Variants in ADAM19 observed in about 807,000 individuals in gnomAD.
ADAM19 encodes disintegrin and metalloproteinase domain-containing protein 19.
A neutral mutation model predicts 114.7 loss-of-function variants in ADAM19; 65 were observed. The observed-to-expected ratio is 0.57, with a 90% CI of 0.46 to 0.70. The LOEUF is 0.70. ADAM19 is among the 30% of genes least tolerant of loss of function. The pLI, the probability that ADAM19 is intolerant of heterozygous loss-of-function variation, is 0.00. For missense variants in ADAM19, 1,063 were observed against 1,204.7 expected, an observed-to-expected ratio of 0.88 and a Z score of 1.74; for synonymous variants, 466 against 460.5, an observed-to-expected ratio of 1.01 and a Z score of -0.15.
At chr5:157,561,598 T>C (rs1442073627) in intron 3 of ADAM19, among the ~76,000 whole-genome samples, 1 of 152,074 alleles carries the variant, frequency 6.6e-6, no homozygotes, top group Non-Finnish European at 1.5e-5. Flanking sequence ...CTGTTCCCTC[T>C]CCTTGGAATT....
rs1449369421 is a variant in ADAM19, at chr5:157,481,793, T to C, written c.2701A>G (p.Lys901Glu). Residue 901 changes from lysine (K) to glutamate (E), a missense_variant and splice_region_variant, in exon 22 of 23, where the codon AAG becomes GAG. Physicochemically the swap from Lys to Glu is moderately conservative, Grantham distance 56. Around this residue, in one of 3 missense-constraint regions of ADAM19, gnomAD observed 424 missense variants for 445.5 expected, o/e 0.95. Transcript: ENST00000257527. ...TTGAGGGCTTCCCGTGGACTCACCT[T>C]TGGGGCAAGTGCTGCCAGAGGCCGG... is the stretch of plus-strand genomic sequence containing the variant. Reference protein sequence around the residue: ...QSRPLAALAPKFPEYRSQRAG... With the variant: ...QSRPLAALAPEFPEYRSQRAG... The C allele has an allele frequency of 6.4e-7, 1 of 1,571,452 alleles. No individual in the cohort carries two copies. Among genetic ancestry groups the C allele is most frequent in the Admixed American group, 1.9e-5 (1 of 53,326 alleles).
Position 157,489,166 on chromosome 5 carries a change from T to C in ADAM19, c.2261A>G (p.Gln754Arg). ...GTTGGCATGACCAGTCCCGCTGTTC[T>C]GAGAAACCCTGAAGGGACAACTAGA... ...QQFSCPFRVS[Q>R]NSGTGHANPT... The change falls in exon 20 of 23, where the codon CAG becomes CGG. Residue 754 changes from glutamine to arginine, a missense_variant. Coordinates refer to ENST00000257527, the MANE Select transcript of ADAM19 (RefSeq NM_033274.5). The C allele has an allele frequency of 6.2e-7, 1 of 1,613,956 alleles. No individual in the cohort carries two copies. Among genetic ancestry groups the C allele is most frequent in the Non-Finnish European group, 8.5e-7 (1 of 1,179,866 alleles).
chr5:157,480,766 G>A lies in ADAM19; in HGVS notation c.*183C>T. On this transcript the variant is annotated 3_prime_UTR_variant, in exon 23 of 23. Transcript: ENST00000257527. ...GAGGCCATCAGATCATAGTCCCTCT[G>A]GGCTTCCAAGGAAGCCGAGGAGGCA... The A allele has an allele frequency of 6.9e-7, 1 of 1,442,160 alleles. No individual in the cohort carries two copies. Among genetic ancestry groups the A allele is most frequent in the Non-Finnish European group, 9.1e-7 (1 of 1,104,232 alleles). The allele number at this position is 1,442,160 out of a possible 1,614,324, so 89.3% of individuals were successfully genotyped here.
chr5:157,502,742 C>G (rs1236734874), intron 12 of ADAM19, 61 bp downstream of exon 12: 2 of 1,571,404 alleles, frequency 1.3e-6, no homozygotes, highest in Non-Finnish European at 1.7e-6. Context: ...TCTCTTTGAC[C>G]TTGAGTTTTG....
chr5:157,527,189 AC>A (rs1756488154), intron 5 of ADAM19, among the ~76,000 whole-genome samples: 2 of 152,194 alleles, frequency 1.3e-5, no homozygotes, highest in South Asian at 2.1e-4. Flanking sequence ...GAGAGGGAGC[AC>A]AAGGGAAACT....
At chr5:157,549,604 C>G (rs890962893) in intron 3 of ADAM19, among the ~76,000 whole-genome samples, 1 of 152,222 alleles carries the variant, frequency 6.6e-6, no homozygotes, top group Non-Finnish European at 1.5e-5. Context: ...GTCACAAATT[C>G]CCGTTCCTCT....
rs11466762 is a variant in ADAM19, at chr5:157,519,218, C to A, written c.601-330G>T. On this transcript the variant is annotated intron_variant, in intron 6 of 22. Coordinates refer to ENST00000257527, the MANE Select transcript of ADAM19 (RefSeq NM_033274.5). ...ACCACGTTCCCACAGAACCTCGAAA[C>A]CTCGAAACACCATGCCATTTTCAGT... Among the ~76,000 whole-genome samples the A allele has an allele frequency of 4.0e-3, 605 of 152,310 alleles. 3 individuals carry two copies. Among genetic ancestry groups the A allele is most frequent in the African/African-American group, 0.014 (584 of 41,576 alleles).
chr5:157,502,733 C>G, intron 12 of ADAM19, 70 bp downstream of exon 12: 2 of 1,542,586 alleles, frequency 1.3e-6, no homozygotes, highest in Non-Finnish European at 1.8e-6. Context: ...CAATTGTGTT[C>G]TCTTTGACCT....
chr5:157,558,871 A>T (rs1862405), intron 3 of ADAM19, among the ~76,000 whole-genome samples: 11,570 of 152,276 alleles, frequency 0.076, 615 homozygotes, highest in Admixed American at 0.12. Context: ...TTCCACCAGT[A>T]TTATGCAATC....
At chr5:157,557,260 A>G (rs1033334964) in intron 3 of ADAM19, among the ~76,000 whole-genome samples, 1 of 152,222 alleles carries the variant, frequency 6.6e-6, no homozygotes, top group African/African-American at 2.4e-5. Flanking sequence ...AAGGCAAGTG[A>G]CTTACCAAAG....
intron 4 of ADAM19, among the ~76,000 whole-genome samples, chr5:157,537,101 T>C (rs1417529984): frequency 6.6e-6 from 1 of 152,238 alleles, no homozygotes; most frequent in Non-Finnish European, 1.5e-5. Flanking sequence ...TAGATGCCAG[T>C]AGATCCTCCC....
At chr5:157,487,207 CT>C (rs1754968933) in intron 21 of ADAM19, among the ~76,000 whole-genome samples, 1 of 152,090 alleles carries the variant, frequency 6.6e-6, no homozygotes, top group Non-Finnish European at 1.5e-5. Flanking sequence ...TGCTTTTTTC[CT>C]TTCCTCTTTC....
chr5:157,493,269 C>T, intron 15 of ADAM19, 92 bp from the exon 16 acceptor site: 1 of 1,426,638 alleles, frequency 7.0e-7, no homozygotes, highest in Admixed American at 1.8e-5. Context: ...TTGATCAAGA[C>T]AGCAGGCTTG....
intron 4 of ADAM19, 73 bp from the exon 5 acceptor site, chr5:157,530,956 T>C: frequency 7.6e-7 from 1 of 1,320,398 alleles, no homozygotes; most frequent in Non-Finnish European, 1.1e-6. Context: ...CTCAGGATGG[T>C]CATGGATGAC....
intron 11 of ADAM19, among the ~76,000 whole-genome samples, chr5:157,504,458 C>T (rs1755674490): frequency 6.6e-6 from 1 of 152,088 alleles, no homozygotes. Context: ...ACCATGTTGG[C>T]CAGGCTGGTC....
chr5:157,521,501 T>C (rs1207989131), intron 5 of ADAM19, among the ~76,000 whole-genome samples: 1 of 152,192 alleles, frequency 6.6e-6, no homozygotes, highest in African/African-American at 2.4e-5. Flanking sequence ...TGCCCAGATT[T>C]TGCCCTTTGG....
chr5:157,529,018 C>T (rs1177025602), intron 5 of ADAM19, among the ~76,000 whole-genome samples: 1 of 152,194 alleles, frequency 6.6e-6, no homozygotes, highest in Non-Finnish European at 1.5e-5. Flanking sequence ...CTCACCAGAG[C>T]CAATCAAAGG....
intron 18 of ADAM19, among the ~76,000 whole-genome samples, 172 bp from the exon 19 acceptor site, chr5:157,490,626 G>A (rs1755120884): frequency 6.6e-6 from 1 of 152,188 alleles, no homozygotes. Context: ...GGGCACAGTG[G>A]CTCATGCCTG....
At chr5:157,487,382 C>T (rs940251147) in intron 21 of ADAM19, among the ~76,000 whole-genome samples, 33 of 152,318 alleles carry the variant, frequency 2.2e-4, no homozygotes, top group African/African-American at 7.9e-4. Flanking sequence ...CCCAAGGACC[C>T]TCCAAAGCCT....
Sources: gnomAD v4.1 joint callset for allele counts (sites outside exome capture counted in the v4.1 genomes callset) on GRCh38, gnomAD v4.1.1 for gene constraint, gnomAD v4.1.1 regional missense constraint, MANE v1.5 for transcripts, NCBI Gene and HGNC (gene_info 2026-07-23, HGNC 2026-07-21) for gene names.